The following ZNF679 variants were observed in gnomAD, a reference collection of about 807,000 sequenced individuals.
ZNF679 encodes zinc finger protein 679.
A neutral mutation model predicts 13.4 loss-of-function variants in ZNF679; 10 were observed. The observed-to-expected ratio is 0.75, with a 90% CI of 0.46 to 1.27. The LOEUF is 1.27. Among genes scored for constraint, ZNF679 ranks in the 50% most tolerant of loss-of-function variants. The pLI, the probability that ZNF679 is intolerant of heterozygous loss-of-function variation, is 0.00. For synonymous variants in ZNF679, 179 were observed against 162.5 expected, an observed-to-expected ratio of 1.10 and a Z score of -0.77; for missense variants, 525 against 477.8, an observed-to-expected ratio of 1.10 and a Z score of -0.92.
rs1788066682 is a variant in ZNF679 at position 64,260,833 on chromosome 7, G to T, written c.167-1G>T. The T allele has an allele frequency of 5.0e-6, 8 of 1,599,958 alleles. No individual in the cohort carries two copies. Among genetic ancestry groups the T allele is most frequent in the Non-Finnish European group, 6.8e-6 (8 of 1,176,260 alleles). On this transcript the variant is annotated splice_acceptor_variant, in intron 3 of 4. Coordinates refer to ENST00000421025, the MANE Select transcript of ZNF679 (RefSeq NM_153363.3). LOFTEE classifies it high-confidence loss of function. The stretch of plus-strand genomic sequence containing the variant: ...GTTACTTTTTTTTCTTAATAAAACA[G>T]GTATTGCTGTCTCTAAGCCAGACTT...
At chr7:64,252,878 C>T (rs907825137) in intron 2 of ZNF679, among the ~76,000 whole-genome samples, 3 of 152,106 alleles carry the variant, frequency 2.0e-5, no homozygotes, top group Non-Finnish European at 4.4e-5. Context: ...CCGCCATGCC[C>T]GGCTAATTTC....
At chr7:64,258,068 C>T (rs1456713062) in intron 2 of ZNF679, among the ~76,000 whole-genome samples, 1 of 152,070 alleles carries the variant, frequency 6.6e-6, no homozygotes, top group South Asian at 2.1e-4. Context: ...GAGGTCAGTG[C>T]GGTTCGTGCT....
intron 1 of ZNF679, among the ~76,000 whole-genome samples, chr7:64,240,782 A>G (rs1006131507): frequency 6.6e-6 from 1 of 152,144 alleles, no homozygotes; most frequent in Non-Finnish European, 1.5e-5. Context: ...AATCCGGGAC[A>G]TTTTCCTGCT....
rs549773164 is a variant in ZNF679 at position 64,256,952 on chromosome 7, T to C, written c.40-3269T>C. 7.0e-4 allele frequency among the ~76,000 whole-genome samples: 107 copies of C among 152,304 alleles called. 2 individuals are homozygous for C. The highest frequency in any genetic ancestry group is 2.5e-3 in the African/African-American group (104 of 41,564). On this transcript the variant is annotated intron_variant, in intron 2 of 4. Transcript: ENST00000421025. ...ACATCATGATCCGCCCGTCTTGGCC[T>C]CCCAAAGTGCTGGGATTATAGTCGT...
Position 64,266,469 on chromosome 7 carries a change from G to T in ZNF679, c.836G>T (p.Arg279Leu). The change falls in exon 5 of 5, where the codon CGC becomes CTC. Residue 279 changes from arginine (R) to leucine (L), a missense_variant. Coordinates refer to ENST00000421025, the MANE Select transcript of ZNF679 (RefSeq NM_153363.3). Reference sequence around the variant, plus strand: ...GAAGAATGTGGCCAAGCCTTTAGCCGCTCCTCAACACTTGCTAACCACAAG... The same window carrying T: ...GAAGAATGTGGCCAAGCCTTTAGCCTCTCCTCAACACTTGCTAACCACAAG... ...TCEECGQAFS[R>L]SSTLANHKRI... The T allele has an allele frequency of 1.2e-6, 2 of 1,611,762 alleles. No individual in the cohort carries two copies. Among genetic ancestry groups the T allele is most frequent in the African/African-American group, 1.3e-5 (1 of 74,474 alleles).
rs748730297 is a variant in ZNF679 at position 64,266,472 on chromosome 7, C to T, written c.839C>T (p.Ser280Phe). 2.5e-6 allele frequency: 4 copies of T among 1,612,932 alleles called. No individual in the cohort carries two copies. Among genetic ancestry groups the T allele is most frequent in the Non-Finnish European group, 2.5e-6 (3 of 1,179,630 alleles). ...CEECGQAFSR[S>F]STLANHKRIH... The stretch of plus-strand genomic sequence containing the variant: ...GAATGTGGCCAAGCCTTTAGCCGCT[C>T]CTCAACACTTGCTAACCACAAGAGA... Residue 280 changes from serine to phenylalanine, a missense_variant, in exon 5 of 5, where the codon TCC becomes TTC. Ser to Phe is a radical substitution (Grantham distance 155, BLOSUM62 -2). Transcript: ENST00000421025.
At chr7:64,247,402 T>C (rs919147638) in intron 1 of ZNF679, among the ~76,000 whole-genome samples, 23 of 152,302 alleles carry the variant, frequency 1.5e-4, no homozygotes, top group African/African-American at 5.5e-4. Flanking sequence ...TGAACTGCAA[T>C]ATGCTAGAAA....
chr7:64,230,820 C>A (rs1787628622), intron 1 of ZNF679, among the ~76,000 whole-genome samples: 1 of 152,194 alleles, frequency 6.6e-6, no homozygotes, highest in African/African-American at 2.4e-5. Context: ...TGGATTCCTG[C>A]ATGAGAGCCC....
intron 1 of ZNF679, among the ~76,000 whole-genome samples, chr7:64,241,243 T>C (rs1311968076): frequency 6.6e-6 from 1 of 152,228 alleles, no homozygotes; most frequent in Non-Finnish European, 1.5e-5. Context: ...GCCCTAAGAC[T>C]AACTACAAGA....
At chr7:64,231,747 A>G (rs1474803970) in intron 1 of ZNF679, among the ~76,000 whole-genome samples, 2 of 152,238 alleles carry the variant, frequency 1.3e-5, no homozygotes, top group African/African-American at 4.8e-5. Context: ...GGCGGGGCCC[A>G]GGCAGGAGCA....
chr7:64,265,812 T>C, intron 4 of ZNF679, 84 bp from the exon 5 acceptor site: 1 of 1,454,930 alleles, frequency 6.9e-7, no homozygotes. Flanking sequence ...TAAAGTACCT[T>C]GTATAATTTT....
At chr7:64,261,999 G>C (rs888926555) in intron 4 of ZNF679, among the ~76,000 whole-genome samples, 1 of 151,892 alleles carries the variant, frequency 6.6e-6, no homozygotes, top group African/African-American at 2.4e-5. Context: ...TGGGATTATA[G>C]GAATGTGCCA....
intron 1 of ZNF679, among the ~76,000 whole-genome samples, chr7:64,243,691 C>T (rs938493467): frequency 1.7e-4 from 26 of 152,212 alleles, no homozygotes; most frequent in African/African-American, 5.1e-4. Context: ...ATTATCTAGG[C>T]GCTCAATCTA....
intron 1 of ZNF679, among the ~76,000 whole-genome samples, chr7:64,242,425 C>G (rs190952940): frequency 6.6e-6 from 1 of 152,284 alleles, no homozygotes; most frequent in African/African-American, 2.4e-5. Flanking sequence ...TGTAGGATCA[C>G]ACCCATTGCC....
intron 2 of ZNF679, among the ~76,000 whole-genome samples, chr7:64,255,549 C>T (rs1448556618): frequency 6.6e-6 from 1 of 151,558 alleles, no homozygotes; most frequent in Non-Finnish European, 1.5e-5. Flanking sequence ...CCCACATGGA[C>T]CTCTGTCTGT....
intron 2 of ZNF679, among the ~76,000 whole-genome samples, chr7:64,256,697 CTT>C (rs35992074): frequency 1.3e-4 from 18 of 134,214 alleles, no homozygotes; most frequent in East Asian, 2.1e-4. Context: ...TTTCGTTGAA[CTT>C]TTTTTTTTTT....
At chr7:64,236,327 A>G (rs1455794262) in intron 1 of ZNF679, among the ~76,000 whole-genome samples, 2 of 151,936 alleles carry the variant, frequency 1.3e-5, no homozygotes, top group Non-Finnish European at 2.9e-5. Flanking sequence ...TTTATTTTGT[A>G]TTTACGCTTA....
intron 1 of ZNF679, among the ~76,000 whole-genome samples, chr7:64,246,370 G>A (rs1423514600): frequency 6.6e-6 from 1 of 152,138 alleles, no homozygotes; most frequent in Non-Finnish European, 1.5e-5. Context: ...TCACTGAAAA[G>A]AAGATTCCAG....
intron 2 of ZNF679, among the ~76,000 whole-genome samples, 195 bp downstream of exon 2, chr7:64,249,351 A>G (rs1200146761): frequency 6.6e-6 from 1 of 152,130 alleles, no homozygotes; most frequent in African/African-American, 2.4e-5. Flanking sequence ...GACCCTAGGA[A>G]TTCTTTTTCC....
Sources: allele counts gnomAD v4.1 joint callset (sites outside exome capture counted in the v4.1 genomes callset), GRCh38; gene constraint gnomAD v4.1.1; transcripts MANE v1.5; gene names NCBI Gene and HGNC (gene_info 2026-07-23, HGNC 2026-07-21).